The following ANKRD36C variants were observed in gnomAD, a reference collection of about 807,000 sequenced individuals.
ANKRD36C encodes the protein ankyrin repeat domain 36C, also known as ankyrin repeat domain-containing protein 36C.
Under a neutral mutation model 276.4 loss-of-function variants are expected in ANKRD36C, and 61 were observed. That is an observed-to-expected ratio of 0.22 (90% CI 0.18 to 0.27). ANKRD36C has a LOEUF of 0.27. ANKRD36C is among the 10% of genes least tolerant of loss of function. The pLI is 1.00. For synonymous variants in ANKRD36C, 483 were observed against 680.1 expected (o/e 0.71, Z 4.51); for missense variants, 1,447 against 2,032.3 (o/e 0.71, Z 5.54).
intron 46 of ANKRD36C, among the ~76,000 whole-genome samples, chr2:95,890,738 A>G (rs1369393118): frequency 1.3e-5 from 2 of 151,598 alleles, no homozygotes; most frequent in African/African-American, 4.8e-5. Context: ...TACAAGCATT[A>G]GATATTAATC....
chr2:95,974,337 A>G (rs1439640480), intron 6 of ANKRD36C, among the ~76,000 whole-genome samples: 2 of 152,142 alleles, frequency 1.3e-5, no homozygotes, highest in Non-Finnish European at 2.9e-5. Context: ...AAAGATATAA[A>G]GAAGTTTAGC....
intron 59 of ANKRD36C, among the ~76,000 whole-genome samples, chr2:95,874,567 A>G (rs1187090553): frequency 1.3e-5 from 2 of 152,272 alleles, no homozygotes; most frequent in Non-Finnish European, 2.9e-5. Context: ...ACCTAAAACC[A>G]TAAAAACCCT....
rs759546570 is a variant in ANKRD36C at position 95,980,722 on chromosome 2, G to T, written c.657C>A (p.His219Gln). 1.9e-6 allele frequency: 3 copies of T among 1,611,738 alleles called. No individual in the cohort carries two copies. In the African/African-American group the frequency reaches 4.0e-5, roughly 22 times the overall value. ...CATCTCGAGAAAACACATCAATATTGTGCTGCAGAAGAAGAATGACTATAT... is the reference window on the plus strand; with the variant it reads ...CATCTCGAGAAAACACATCAATATTTTGCTGCAGAAGAAGAATGACTATAT... The change falls in exon 5 of 67, where the codon CAC (histidine) becomes CAA (glutamine). Residue 219 changes from histidine to glutamine, a missense_variant. Transcript: ENST00000456556.
intron 59 of ANKRD36C, among the ~76,000 whole-genome samples, chr2:95,870,997 C>A (rs1427903647): frequency 6.6e-6 from 1 of 152,166 alleles, no homozygotes; most frequent in East Asian, 1.9e-4. Context: ...ACAAAGCCTC[C>A]AAGAAATATG....
At position 95,891,453 on chromosome 2, in the gene ANKRD36C, T is replaced by G. The variant is rs563021497; in HGVS notation, c.2857+212A>C. Among the ~76,000 whole-genome samples the G allele has an allele frequency of 1.4e-4, 21 of 151,560 alleles. No homozygotes were observed. In the South Asian group the frequency reaches 4.4e-3, roughly 31 times the overall value. ...TGCTCTCCATATTTCTTCTTCCCAC[T>G]TTCAATGGGGGGAAGTGTATACTCT... is the stretch of plus-strand genomic sequence containing the variant. On this transcript the variant is annotated intron_variant, in intron 46 of 66. Transcript: ENST00000456556.
intron 10 of ANKRD36C, 122 bp downstream of exon 10, chr2:95,960,351 A>G (rs1258038476): frequency 6.2e-6 from 8 of 1,285,486 alleles, no homozygotes; most frequent in Non-Finnish European, 7.5e-6. Context: ...ACAAACGCAG[A>G]ATCTCAGGCC....
At chr2:95,908,522 T>C (rs1676812359) in intron 42 of ANKRD36C, 1 of 1,537,288 alleles carries the variant, frequency 6.5e-7, no homozygotes, top group Non-Finnish European at 8.8e-7. Context: ...TTTTTCTCCA[T>C]GCTTTTTTCC....
At chr2:95,911,994 C>T (rs987135499) in intron 42 of ANKRD36C, among the ~76,000 whole-genome samples, 3 of 151,384 alleles carry the variant, frequency 2.0e-5, no homozygotes, top group African/African-American at 7.3e-5. Context: ...ACCCCAGAGC[C>T]CCTTATGTCT....
At chr2:95,955,970 T>A (rs1213152459) in intron 13 of ANKRD36C, among the ~76,000 whole-genome samples, 1 of 151,196 alleles carries the variant, frequency 6.6e-6, no homozygotes, top group Non-Finnish European at 1.5e-5. Context: ...AGAAAAGTGG[T>A]AGAGAAAGTG....
chr2:95,916,051 G>C (rs1677085691), exon 38 of ANKRD36C: 1 of 1,586,602 alleles, frequency 6.3e-7, no homozygotes, highest in African/African-American at 1.4e-5. Context: ...ATCACTTGTA[G>C]CCTGAATGGA....
chr2:95,861,936 C>T lies in ANKRD36C; in HGVS notation c.3683-1862G>A, dbSNP rs543785576. Among the ~76,000 whole-genome samples, 87 of 151,502 alleles carry T rather than the reference C, an allele frequency of 5.7e-4. 3 individuals carry two copies. The East Asian group carries it at 0.016, about 28-fold the overall frequency. ...GGCAAAGGCAGCTGAGCAGGTGTGG[C>T]TGTATTAATACCAAAGTAGATTTCA... is the stretch of plus-strand genomic sequence containing the variant. On this transcript the variant is annotated intron_variant, in intron 60 of 66. Transcript: ENST00000456556.
chr2:95,968,398 C>A (rs1378025518), intron 6 of ANKRD36C, among the ~76,000 whole-genome samples: 1 of 152,074 alleles, frequency 6.6e-6, no homozygotes, highest in Non-Finnish European at 1.5e-5. Context: ...CTAACAGAAT[C>A]CTATCACACT....
In ANKRD36C at chr2:95,917,973, G is replaced by C. The variant is rs781380171; in HGVS notation, c.2274+41C>G. ...AATAATAAATAAATAAATCAATGAA[G>C]TATGTGTCATAGAATACAATGTAAA... is the stretch of plus-strand genomic sequence containing the variant. On this transcript the variant is annotated intron_variant, in intron 35 of 66. Transcript: ENST00000456556. The C allele has an allele frequency of 2.5e-6, 4 of 1,598,668 alleles. No individual in the cohort carries two copies. The Admixed American group carries it at 5.2e-5, about 21-fold the overall frequency.
At chr2:95,892,395 T>C (rs945419988) in intron 44 of ANKRD36C, among the ~76,000 whole-genome samples, 7 of 151,548 alleles carry the variant, frequency 4.6e-5, no homozygotes, top group African/African-American at 1.7e-4. Context: ...TCACTTTGGA[T>C]ATCTGTTTAA....
intron 58 of ANKRD36C, among the ~76,000 whole-genome samples, chr2:95,879,664 A>C (rs1179205398): frequency 6.6e-6 from 1 of 152,230 alleles, no homozygotes; most frequent in Non-Finnish European, 1.5e-5. Context: ...TAATATAATA[A>C]GTGTAACAAA....
intron 6 of ANKRD36C, among the ~76,000 whole-genome samples, chr2:95,962,898 G>A (rs1338901936): frequency 6.6e-6 from 1 of 152,000 alleles, no homozygotes; most frequent in African/African-American, 2.4e-5. Context: ...TGTCAAAGCA[G>A]GTGGTACATG....
chr2:95,873,475 T>G (rs1675863993), intron 59 of ANKRD36C, among the ~76,000 whole-genome samples: 1 of 152,210 alleles, frequency 6.6e-6, no homozygotes, highest in African/African-American at 2.4e-5. Flanking sequence ...CAACCCTTCA[T>G]GCTAAAAACT....
intron 54 of ANKRD36C, among the ~76,000 whole-genome samples, chr2:95,882,715 A>C (rs1470455045): frequency 1.3e-5 from 2 of 152,152 alleles, no homozygotes; most frequent in Non-Finnish European, 2.9e-5. Context: ...AATTACAAAG[A>C]GGTATTATGC....
rs1264693862 is a variant in ANKRD36C at position 95,929,289 on chromosome 2, T to C, written c.1736-22A>G. Reference sequence around the variant, plus strand: ...GACACTGAAAAGCAAAAGGGATACATAATCAATCATATGTAAATATGATAA... The same window carrying C: ...GACACTGAAAAGCAAAAGGGATACACAATCAATCATATGTAAATATGATAA... On this transcript the variant is annotated intron_variant, in intron 24 of 66. Coordinates refer to ENST00000456556, the Ensembl canonical transcript of ANKRD36C. The C allele has an allele frequency of 1.9e-6, 3 of 1,589,690 alleles. No individual in the cohort carries two copies. In the Admixed American group the frequency reaches 5.1e-5, roughly 27 times the overall value.
Sources: allele counts gnomAD v4.1 joint callset (sites outside exome capture counted in the v4.1 genomes callset), GRCh38; gene constraint gnomAD v4.1.1; transcripts MANE v1.5; gene names NCBI Gene and HGNC (gene_info 2026-07-23, HGNC 2026-07-21).